The following ATP8A1 variants were observed in gnomAD, a reference collection of about 807,000 sequenced individuals.
The protein encoded by ATP8A1 is phospholipid-transporting ATPase IA.
A neutral mutation model predicts 177.7 loss-of-function variants in ATP8A1; 90 were observed. The ratio of observed to expected loss-of-function variants is 0.51; its 90% CI spans 0.43 to 0.60. ATP8A1 has a LOEUF of 0.60. ATP8A1 is among the 20% of genes least tolerant of loss of function. ATP8A1 has a pLI of 0.00. For missense variants in ATP8A1, 1,072 were observed against 1,392.8 expected, an observed-to-expected ratio of 0.77 and a Z score of 3.67; for synonymous variants, 493 against 485.9, an observed-to-expected ratio of 1.01 and a Z score of -0.19.
chr4:42,503,637 T>C, intron 23 of ATP8A1, 123 bp from the exon 24 acceptor site: 1 of 612,850 alleles, frequency 1.6e-6, no homozygotes, highest in Non-Finnish European at 2.7e-6. Flanking sequence ...GGGCAACCAG[T>C]TGTTTTCCAG....
At chr4:42,604,844 T>C (rs995058185) in intron 5 of ATP8A1, among the ~76,000 whole-genome samples, 3 of 152,214 alleles carry the variant, frequency 2.0e-5, no homozygotes, top group Non-Finnish European at 4.4e-5. Context: ...TATTCTGCCA[T>C]AAAAATAATT....
Position 42,575,646 on chromosome 4 carries a change from A to G in ATP8A1, c.1182T>C (p.Ser394=). ...CCTGGCCAAGTTCCTCATTCAGATT[A>G]GATGTTCGAGCCATAGCAGCAGTGT... ...PTDTAAMART[S]NLNEELGQVK... The change falls in exon 13 of 37, where the codon TCT becomes TCC. Residue 394 remains serine (S), a synonymous_variant. Transcript: ENST00000381668. 6.2e-7 allele frequency: 1 copy of G among 1,613,718 alleles called. No individual in the cohort carries two copies. The highest frequency in any genetic ancestry group is 8.5e-7 in the Non-Finnish European group (1 of 1,179,728).
intron 16 of ATP8A1, 31 bp downstream of exon 16, chr4:42,555,936 TA>T (rs1730186831): frequency 6.8e-7 from 1 of 1,480,024 alleles, no homozygotes; most frequent in Non-Finnish European, 9.4e-7. Flanking sequence ...TTTTATTCAC[TA>T]ACAAAAAGAC....
chr4:42,498,627 A>C (rs1723517391), intron 24 of ATP8A1, among the ~76,000 whole-genome samples: 1 of 152,154 alleles, frequency 6.6e-6, no homozygotes, highest in Non-Finnish European at 1.5e-5. Flanking sequence ...TAAGAGTAGA[A>C]TGGCTGTTCA....
chr4:42,513,211 T>C (rs914805365), intron 22 of ATP8A1, among the ~76,000 whole-genome samples: 1 of 152,202 alleles, frequency 6.6e-6, no homozygotes, highest in Admixed American at 6.5e-5. Context: ...GACCCTCAGG[T>C]ACCAATTCTC....
At chr4:42,610,005 G>A (rs1303507080) in intron 5 of ATP8A1, among the ~76,000 whole-genome samples, 3 of 151,954 alleles carry the variant, frequency 2.0e-5, no homozygotes, top group Non-Finnish European at 4.4e-5. Context: ...TACATCTCAT[G>A]TCTTCCCACT....
intron 33 of ATP8A1, among the ~76,000 whole-genome samples, chr4:42,427,260 A>G (rs1292447642): frequency 6.6e-6 from 1 of 152,246 alleles, no homozygotes; most frequent in African/African-American, 2.4e-5. Context: ...TGGGAGAATG[A>G]CTACTACAAA....
Position 42,485,573 on chromosome 4 carries a change from G to A in ATP8A1, c.2247C>T (p.Leu749=), listed in dbSNP as rs1242240287. The A allele has an allele frequency of 6.2e-7, 1 of 1,613,694 alleles. No individual in the cohort carries two copies. Among genetic ancestry groups the A allele is most frequent in the African/African-American group, 1.3e-5 (1 of 74,904 alleles). ...GTACTCCAAAGGTTAAGGCATATTT[G>A]AGGGTTTTCCCATCAATTATAAGAG... ...DFALIIDGKT[L]KYALTFGVRQ... Residue 749 remains leucine, a synonymous_variant, in exon 25 of 37, where the codon CTC becomes CTT. Coordinates refer to ENST00000381668, the MANE Select transcript of ATP8A1 (RefSeq NM_006095.2).
intron 25 of ATP8A1, among the ~76,000 whole-genome samples, chr4:42,465,995 G>A (rs1719709330): frequency 7.5e-6 from 1 of 132,582 alleles, no homozygotes; most frequent in South Asian, 2.5e-4. Flanking sequence ...TCGTGCCACT[G>A]CACTCCAGCC....
rs373795147 is a variant in ATP8A1, at chr4:42,424,027, A to G, written c.3124-322T>C. Among the ~76,000 whole-genome samples, 24 of 152,256 alleles carry G rather than the reference A, an allele frequency of 1.6e-4. No individual in the cohort carries two copies. The East Asian group carries it at 4.4e-3, about 28-fold the overall frequency. ...TTAAAAATTATCCAGATAAATCATG[A>G]CTACTGTATAATCAAATTAAGATAC... On this transcript the variant is annotated intron_variant, in intron 33 of 36. Transcript: ENST00000381668.
intron 24 of ATP8A1, among the ~76,000 whole-genome samples, chr4:42,492,684 T>C (rs1368154057): frequency 2.6e-5 from 4 of 152,238 alleles, no homozygotes; most frequent in Non-Finnish European, 5.9e-5. Flanking sequence ...TCTATGGTAC[T>C]TTTGTTAGCC....
At chr4:42,541,306 T>G (rs1728363861) in intron 20 of ATP8A1, among the ~76,000 whole-genome samples, 1 of 152,120 alleles carries the variant, frequency 6.6e-6, no homozygotes, top group Admixed American at 6.5e-5. Context: ...AACTGGAAAT[T>G]AAGCCAACAA....
intron 15 of ATP8A1, among the ~76,000 whole-genome samples, chr4:42,560,339 C>T (rs1171867001): frequency 3.3e-5 from 5 of 152,110 alleles, no homozygotes; most frequent in African/African-American, 1.2e-4. Flanking sequence ...TTCTTTTACA[C>T]TCCTTGAATT....
rs757702547 is a variant in ATP8A1 at position 42,444,593 on chromosome 4, T to C, written c.3000A>G (p.Thr1000=). Residue 1000 remains threonine, a synonymous_variant, in exon 32 of 37, where the codon ACA becomes ACG. Coordinates refer to ENST00000381668, the MANE Select transcript of ATP8A1 (RefSeq NM_006095.2). ...ITVCLKAGLE[T]SYWTWFSHIA... ...ATTTTCTTACCCATGTCCAATATGA[T>C]GTCTCCAATCCAGCTTTCAAACACA... is the stretch of plus-strand genomic sequence containing the variant. The C allele has an allele frequency of 8.1e-6, 13 of 1,613,850 alleles. No individual in the cohort carries two copies. The highest frequency in any genetic ancestry group is 6.6e-5 in the South Asian group (6 of 91,030).
chr4:42,573,813 G>A (rs936187809), intron 14 of ATP8A1, among the ~76,000 whole-genome samples: 14 of 152,152 alleles, frequency 9.2e-5, no homozygotes, highest in African/African-American at 3.4e-4. Flanking sequence ...AGAAAACCTA[G>A]AAGCAAGTGT....
chr4:42,507,604 C>T (rs907833163), intron 22 of ATP8A1, among the ~76,000 whole-genome samples: 3 of 151,366 alleles, frequency 2.0e-5, no homozygotes, highest in Non-Finnish European at 4.4e-5. Context: ...TGGTGTGTGC[C>T]TGTAATTCTA....
chr4:42,517,991 C>A (rs998101154), intron 22 of ATP8A1, among the ~76,000 whole-genome samples: 1 of 152,124 alleles, frequency 6.6e-6, no homozygotes, highest in African/African-American at 2.4e-5. Context: ...TAGTAACATA[C>A]CTGAGTAACT....
At chr4:42,445,293 T>C (rs1246112082) in intron 31 of ATP8A1, among the ~76,000 whole-genome samples, 1 of 152,226 alleles carries the variant, frequency 6.6e-6, no homozygotes, top group African/African-American at 2.4e-5. Context: ...CCCAAGACGT[T>C]ATCACTTAGC....
At chr4:42,533,576 G>A (rs775538883) in intron 20 of ATP8A1, among the ~76,000 whole-genome samples, 1 of 152,118 alleles carries the variant, frequency 6.6e-6, no homozygotes, top group East Asian at 1.9e-4. Context: ...TGCCCTGGTA[G>A]CCCAAGACAA....
Sources: allele counts gnomAD v4.1 joint callset (sites outside exome capture counted in the v4.1 genomes callset), GRCh38; gene constraint gnomAD v4.1.1; transcripts MANE v1.5; gene names NCBI Gene and HGNC (gene_info 2026-07-23, HGNC 2026-07-21).